The following PRKAR1B variants were observed in gnomAD, a reference collection of about 807,000 sequenced individuals.
PRKAR1B encodes cAMP-dependent protein kinase type I-beta regulatory subunit.
PRKAR1B carries 22 observed loss-of-function variants against 46.5 expected under a neutral mutation model. The observed-to-expected ratio is 0.47, with a 90% confidence interval of 0.34 to 0.68. PRKAR1B has a LOEUF of 0.68. Ranked by LOEUF, PRKAR1B falls within the 30% of genes least tolerant of loss-of-function variation. The probability of loss-of-function intolerance (pLI) is 0.01; values close to 1 mark genes in which losing one functional copy is unlikely to be tolerated. For missense variants in PRKAR1B, 445 were observed against 535.6 expected, an observed-to-expected ratio of 0.83 and a Z score of 1.67; for synonymous variants, 259 against 217.7, an observed-to-expected ratio of 1.19 and a Z score of -1.67.
chr7:583,500 CCCA>C (rs1780370636), intron 8 of PRKAR1B, among the ~76,000 whole-genome samples: 1 of 149,302 alleles, frequency 6.7e-6, no homozygotes, highest in African/African-American at 2.5e-5. Flanking sequence ...TGTGTGCACA[CCCA>C]TACACACCCA....
intron 8 of PRKAR1B, among the ~76,000 whole-genome samples, chr7:582,402 C>G (rs1780238407): frequency 3.3e-5 from 5 of 152,272 alleles, no homozygotes; most frequent in Admixed American, 3.3e-4. Flanking sequence ...GCCAAGCTGC[C>G]TGCGGAGACA....
At chr7:591,241 G>A (rs1049216578) in intron 7 of PRKAR1B, among the ~76,000 whole-genome samples, 6 of 152,200 alleles carry the variant, frequency 3.9e-5, no homozygotes, top group East Asian at 3.8e-4. Context: ...TGAGACGGTC[G>A]GTGAGGCAGG....
intron 4 of PRKAR1B, among the ~76,000 whole-genome samples, chr7:614,056 G>A (rs1377920425): frequency 1.3e-5 from 2 of 152,180 alleles, no homozygotes; most frequent in South Asian, 2.1e-4. Context: ...GAGGCGTGGC[G>A]CCCACAGAGG....
intron 9 of PRKAR1B, among the ~76,000 whole-genome samples, chr7:555,646 C>T (rs144500597): frequency 0.014 from 2,145 of 152,286 alleles, 44 homozygotes; most frequent in African/African-American, 0.049. Flanking sequence ...CCTTCACATG[C>T]CCCCTTTTTC....
rs1227391071 is a variant in PRKAR1B, at chr7:714,248, T to TG, written c.-22-2722_-22-2721insC. On this transcript the variant is annotated intron_variant, in intron 1 of 10. Coordinates refer to ENST00000537384, the MANE Select transcript of PRKAR1B (RefSeq NM_001164760.2). The surrounding 1 kb of genome is among the most constrained non-coding windows in gnomAD (Gnocchi z 4.3). ...GGCTGTCCTGGGGTTCTCTGGAGACTCCCTGTAAAGACTTCCCCCACACCG... is the reference window on the plus strand; with the variant it reads ...GGCTGTCCTGGGGTTCTCTGGAGACTGCCCTGTAAAGACTTCCCCCACACCG... 6.6e-5 allele frequency among the ~76,000 whole-genome samples: 10 copies of TG among 152,138 alleles called. No individual in the cohort carries two copies. The highest frequency in any genetic ancestry group is 2.4e-4 in the African/African-American group (10 of 41,420).
intron 2 of PRKAR1B, among the ~76,000 whole-genome samples, chr7:704,910 C>A (rs975281535): frequency 2.6e-5 from 4 of 152,098 alleles, no homozygotes; most frequent in African/African-American, 9.7e-5. Flanking sequence ...AATACATGAA[C>A]AGACACTTCA....
intron 9 of PRKAR1B, among the ~76,000 whole-genome samples, chr7:566,426 CCA>C (rs1192731029): frequency 6.7e-6 from 1 of 149,806 alleles, no homozygotes; most frequent in Non-Finnish European, 1.5e-5. Flanking sequence ...ATCACCATCA[CCA>C]CCATCACCAT....
At chr7:598,986 G>C (rs1159659230) in intron 6 of PRKAR1B, among the ~76,000 whole-genome samples, 1 of 152,248 alleles carries the variant, frequency 6.6e-6, no homozygotes, top group African/African-American at 2.4e-5. Flanking sequence ...AGCTTTCTGG[G>C]ATTCTGTCTC....
At chr7:694,367 C>T (rs1779608538) in intron 2 of PRKAR1B, among the ~76,000 whole-genome samples, 1 of 142,578 alleles carries the variant, frequency 7.0e-6, no homozygotes, top group South Asian at 2.1e-4. Flanking sequence ...AAGACACAAG[C>T]TCCAGGGTTT....
intron 4 of PRKAR1B, among the ~76,000 whole-genome samples, chr7:630,814 C>T (rs1783691988): frequency 6.6e-6 from 1 of 152,184 alleles, no homozygotes; most frequent in Non-Finnish European, 1.5e-5. Flanking sequence ...ACACCCCCCC[C>T]ACCATCTCCA....
chr7:584,650 T>G (rs960399441), intron 7 of PRKAR1B, 82 bp from the exon 8 acceptor site: 36 of 1,240,344 alleles, frequency 2.9e-5, no homozygotes, highest in Non-Finnish European at 4.0e-5. Context: ...TTTCCCCAAA[T>G]GACTCTCAAC....
At chr7:681,321 T>TA (rs1365867511) in intron 2 of PRKAR1B, among the ~76,000 whole-genome samples, 2 of 119,304 alleles carry the variant, frequency 1.7e-5, no homozygotes, top group African/African-American at 3.1e-5. Context: ...ACCCTGTCTC[T>TA]ATAAAAAAAA....
At chr7:592,616 C>G (rs1781044573) in intron 7 of PRKAR1B, among the ~76,000 whole-genome samples, 1 of 152,260 alleles carries the variant, frequency 6.6e-6, no homozygotes, top group Non-Finnish European at 1.5e-5. Context: ...CCAAGGGGGT[C>G]TTGGGCTCTG....
intron 4 of PRKAR1B, among the ~76,000 whole-genome samples, chr7:660,571 C>G (rs1193696419): frequency 7.2e-5 from 7 of 96,822 alleles, no homozygotes; most frequent in Non-Finnish European, 1.1e-4. Context: ...TACTCTCCCC[C>G]CCATGGCACA....
intron 8 of PRKAR1B, among the ~76,000 whole-genome samples, chr7:582,506 A>C (rs1172204167): frequency 6.6e-6 from 1 of 152,276 alleles, no homozygotes; most frequent in Non-Finnish European, 1.5e-5. Flanking sequence ...CTGGGAGGCC[A>C]CGGAGAAGCC....
At chr7:639,081 AAG>A in intron 4 of PRKAR1B, among the ~76,000 whole-genome samples, 1 of 139,786 alleles carries the variant, frequency 7.2e-6, no homozygotes, top group African/African-American at 2.8e-5. Context: ...CTGTCTCAAA[AAG>A]ATAAATAAAA....
intron 4 of PRKAR1B, among the ~76,000 whole-genome samples, chr7:638,538 G>A (rs1200448319): frequency 1.3e-5 from 2 of 152,118 alleles, no homozygotes; most frequent in African/African-American, 4.8e-5. Context: ...AGACATTCTT[G>A]CCTACTGGCG....
chr7:551,174 G>C (rs1203201320), intron 10 of PRKAR1B, among the ~76,000 whole-genome samples: 1 of 152,096 alleles, frequency 6.6e-6, no homozygotes, highest in Non-Finnish European at 1.5e-5. Flanking sequence ...CCCACGTCCA[G>C]GGCTCGTTGC....
chr7:574,160 G>A (rs921937074), intron 9 of PRKAR1B, among the ~76,000 whole-genome samples: 2 of 152,222 alleles, frequency 1.3e-5, no homozygotes, highest in African/African-American at 4.8e-5. Context: ...AGCTGGGAGG[G>A]GCCTTGCTCT....
Sources: allele counts gnomAD v4.1 joint callset (sites outside exome capture counted in the v4.1 genomes callset), GRCh38; gene constraint gnomAD v4.1.1; non-coding constraint Gnocchi (gnomAD v3.1); transcripts MANE v1.5; gene names NCBI Gene and HGNC (gene_info 2026-07-23, HGNC 2026-07-21).